The following RBFOX1 variants were observed in gnomAD, a reference collection of about 807,000 sequenced individuals.
The protein encoded by RBFOX1 is RNA binding fox-1 homolog 1, also known as RNA binding protein fox-1 homolog 1.
A neutral mutation model predicts 57.7 loss-of-function variants in RBFOX1; 8 were observed. The observed-to-expected ratio is 0.14, with a 90% CI of 0.08 to 0.25. The LOEUF (loss-of-function observed/expected upper bound fraction) is 0.25, where lower values mean the gene tolerates loss of function less well. RBFOX1 is among the 10% of genes least tolerant of loss of function. RBFOX1 has a pLI of 1.00. For missense variants in RBFOX1, 611 were observed against 548.5 expected (o/e 1.11, Z -1.14); for synonymous variants, 326 against 222.4 (o/e 1.47, Z -4.15).
intron 4 of RBFOX1, among the ~76,000 whole-genome samples, chr16:7,126,013 G>A (rs1299064656): frequency 6.6e-6 from 1 of 152,148 alleles, no homozygotes; most frequent in Admixed American, 6.5e-5. Context: ...AACCTGGGAG[G>A]CGGAGGTTGC....
chr16:7,046,579 G>C lies in RBFOX1; in HGVS notation c.-15-5478G>C, dbSNP rs1244836824. 7.9e-5 allele frequency among the ~76,000 whole-genome samples: 10 copies of C among 126,750 alleles called. No homozygotes were observed. In the East Asian group the frequency reaches 1.9e-3, roughly 24 times the overall value. 83.2% of individuals were successfully genotyped at this position (126,750 alleles called of 152,430 possible). A position where few individuals can be genotyped will look rare whatever the true frequency, so the allele number is the denominator to read the frequency against. ...AGTTTATCACCACGTATGCCTCTTT[G>C]TTTCTGTAGTCTTTGTGTTTTATCT... On this transcript the variant is annotated intron_variant, in intron 3 of 15. Transcript: ENST00000550418.
At chr16:7,036,684 C>T (rs1176287714) in intron 3 of RBFOX1, among the ~76,000 whole-genome samples, 2 of 151,004 alleles carry the variant, frequency 1.3e-5, no homozygotes, top group African/African-American at 4.9e-5. Flanking sequence ...AAGAGCAAAA[C>T]TCCGTCTCAA....
At chr16:6,988,313 C>G (rs922584854) in intron 3 of RBFOX1, among the ~76,000 whole-genome samples, 1 of 152,184 alleles carries the variant, frequency 6.6e-6, no homozygotes, top group Admixed American at 6.5e-5. Context: ...ATTGGAGTTT[C>G]CTGTGATGAT....
intron 1 of RBFOX1, among the ~76,000 whole-genome samples, chr16:5,390,372 T>C (rs2066373123): frequency 6.6e-6 from 1 of 150,440 alleles, no homozygotes; most frequent in African/African-American, 2.4e-5. Context: ...CACTGCAACC[T>C]GTGCCTCCTG....
intron 5 of RBFOX1, among the ~76,000 whole-genome samples, chr16:7,521,372 G>A (rs73484443): frequency 6.6e-6 from 1 of 152,284 alleles, no homozygotes; most frequent in East Asian, 1.9e-4. Flanking sequence ...TAAGCAATGG[G>A]AAACCATTAA....
chr16:5,845,640 G>T (rs2056737640), intron 3 of RBFOX1, among the ~76,000 whole-genome samples: 1 of 152,122 alleles, frequency 6.6e-6, no homozygotes, highest in African/African-American at 2.4e-5. Flanking sequence ...GTCCCATTTG[G>T]AAGCCACTGC....
chr16:5,884,599 G>T (rs9922245), intron 4 of RBFOX1, among the ~76,000 whole-genome samples: 1 of 151,990 alleles, frequency 6.6e-6, no homozygotes, highest in Non-Finnish European at 1.5e-5. Flanking sequence ...TTTTTCCAAC[G>T]TAGCCATAAG....
At position 6,832,295 on chromosome 16, in the gene RBFOX1, C is replaced by T. The variant is rs542463875; in HGVS notation, c.-16+177645C>T. Among the ~76,000 whole-genome samples, 5 of 152,254 alleles carry T rather than the reference C, an allele frequency of 3.3e-5. No individual in the cohort carries two copies. In the South Asian group the frequency reaches 1.0e-3, roughly 32 times the overall value. On this transcript the variant is annotated intron_variant, in intron 3 of 15. Transcript: ENST00000550418. ...GCAATTGCTGACATATGTCACATGT[C>T]ATTACCAGAGAGTTGGAGACAGTGT...
At chr16:6,690,802 G>A (rs898246753) in intron 3 of RBFOX1, among the ~76,000 whole-genome samples, 4 of 147,244 alleles carry the variant, frequency 2.7e-5, no homozygotes, top group Non-Finnish European at 5.9e-5. Flanking sequence ...AGCCAAGAAA[G>A]GTAGTGTCCC....
At chr16:6,509,945 G>C (rs1190341257) in intron 2 of RBFOX1, among the ~76,000 whole-genome samples, 1 of 152,182 alleles carries the variant, frequency 6.6e-6, no homozygotes, top group Non-Finnish European at 1.5e-5. Flanking sequence ...TAAGTGATGG[G>C]ATGTTTACTC....
Position 6,769,524 on chromosome 16 carries a change from C to T in RBFOX1, c.-16+114874C>T, listed in dbSNP as rs976878718. Among the ~76,000 whole-genome samples, 6 of 152,340 alleles carry T rather than the reference C, an allele frequency of 3.9e-5. No individual in the cohort carries two copies. The East Asian group carries it at 1.2e-3, about 29-fold the overall frequency. ...ATATCCTTAATGGTTTATCACCCGC[C>T]TTTTAATAAACATCAGGCTGTTTCC... On this transcript the variant is annotated intron_variant, in intron 3 of 15. Transcript: ENST00000550418.
At position 6,378,311 on chromosome 16, in the gene RBFOX1, A is replaced by C. The variant is rs377086381; in HGVS notation, c.-64+61254A>C. Among the ~76,000 whole-genome samples the C allele has an allele frequency of 1.6e-3, 250 of 152,258 alleles. 1 individual carries two copies. The highest frequency in any genetic ancestry group is 0.012 in the East Asian group (62 of 5,154). On this transcript the variant is annotated intron_variant, in intron 2 of 15. Transcript: ENST00000550418. ...TCTCACGGAGGCTGGGGTTTCATGCATCTGGGCCCAACAGAGAGATGGTGA... is the reference window on the plus strand; with the variant it reads ...TCTCACGGAGGCTGGGGTTTCATGCCTCTGGGCCCAACAGAGAGATGGTGA...
At chr16:7,694,336 G>A (rs1270039673) in intron 14 of RBFOX1, among the ~76,000 whole-genome samples, 1 of 152,148 alleles carries the variant, frequency 6.6e-6, no homozygotes, top group East Asian at 1.9e-4. Context: ...AGTAAAAAAA[G>A]GCTTATGTGC....
chr16:7,485,014 T>C (rs1236269630), intron 4 of RBFOX1, among the ~76,000 whole-genome samples: 4 of 152,118 alleles, frequency 2.6e-5, no homozygotes, highest in African/African-American at 9.7e-5. Context: ...TTTTATGTCT[T>C]GCATATCAAA....
At chr16:5,775,538 C>G (rs564917312) in intron 3 of RBFOX1, among the ~76,000 whole-genome samples, 4 of 152,216 alleles carry the variant, frequency 2.6e-5, no homozygotes, top group African/African-American at 9.6e-5. Flanking sequence ...TTATATGGCA[C>G]AGGCTCAGAG....
intron 2 of RBFOX1, among the ~76,000 whole-genome samples, chr16:6,586,630 G>T (rs1017865454): frequency 6.6e-6 from 1 of 152,140 alleles, no homozygotes; most frequent in Non-Finnish European, 1.5e-5. Flanking sequence ...ACACTCTTCT[G>T]TATGCCATGT....
intron 2 of RBFOX1, among the ~76,000 whole-genome samples, chr16:6,375,934 G>C (rs567900104): frequency 5.5e-4 from 84 of 152,218 alleles, no homozygotes; most frequent in Non-Finnish European, 8.8e-5. Context: ...ATCAGCAGGG[G>C]TGCCAGTGAA....
chr16:6,431,676 T>C (rs953738396), intron 2 of RBFOX1, among the ~76,000 whole-genome samples: 1 of 152,066 alleles, frequency 6.6e-6, no homozygotes, highest in Non-Finnish European at 1.5e-5. Flanking sequence ...GCACTTAGTC[T>C]GAATATGATG....
intron 3 of RBFOX1, among the ~76,000 whole-genome samples, chr16:6,949,534 C>G (rs534536767): frequency 4.5e-4 from 68 of 152,218 alleles, no homozygotes; most frequent in Middle Eastern, 3.4e-3. Flanking sequence ...GGGCCTCTCT[C>G]CCTGGTTTAC....
Sources: gnomAD v4.1 joint callset for allele counts (sites outside exome capture counted in the v4.1 genomes callset) on GRCh38, gnomAD v4.1.1 for gene constraint, MANE v1.5 for transcripts, NCBI Gene and HGNC (gene_info 2026-07-23, HGNC 2026-07-21) for gene names.